HCLS1: variants seen among roughly 807,000 people sequenced by gnomAD.
HCLS1 encodes hematopoietic cell-specific Lyn substrate 1.
HCLS1 carries 44 observed loss-of-function variants against 68.6 expected under a neutral mutation model. That is an observed-to-expected ratio of 0.64 (90% CI 0.50 to 0.82). The LOEUF (loss-of-function observed/expected upper bound fraction) is 0.82, where lower values mean the gene tolerates loss of function less well. HCLS1 is among the 40% of genes least tolerant of loss of function. HCLS1 has a pLI of 0.00. For synonymous variants in HCLS1, 217 were observed against 225.8 expected, an observed-to-expected ratio of 0.96 and a Z score of 0.35; for missense variants, 602 against 612.1, an observed-to-expected ratio of 0.98 and a Z score of 0.17.
chr3:121,636,407 T>G, intron 8 of HCLS1, 27 bp downstream of exon 8: 1 of 1,583,712 alleles, frequency 6.3e-7, no homozygotes, highest in African/African-American at 1.3e-5. Context: ...GAACTCTTCT[T>G]AAGACATTGG....
intron 5 of HCLS1, chr3:121,643,217 T>C (rs919774719): frequency 2.9e-5 from 11 of 385,864 alleles, no homozygotes; most frequent in Non-Finnish European, 4.8e-5. Flanking sequence ...TTATAGTTGT[T>C]GAAGTTTAAG....
At chr3:121,646,394 AT>A (rs374314261) in intron 4 of HCLS1, among the ~76,000 whole-genome samples, 1 of 50,356 alleles carries the variant, frequency 2.0e-5, no homozygotes, top group Admixed American at 4.3e-4. Context: ...ATATATTACT[AT>A]GTAATATATT....
rs539936393 is a variant in HCLS1 at position 121,647,576 on chromosome 3, A to G, written c.159-128T>C. On this transcript the variant is annotated intron_variant, in intron 3 of 13. Coordinates refer to ENST00000314583, the MANE Select transcript of HCLS1 (RefSeq NM_005335.6). ...GTAATAACCTGGGCCCCCAAAATATACTAGTGATGGGTCTGGAAGTAAAAG... is the reference window on the plus strand; with the variant it reads ...GTAATAACCTGGGCCCCCAAAATATGCTAGTGATGGGTCTGGAAGTAAAAG... 1.3e-4 allele frequency: 110 copies of G among 843,296 alleles called. 1 individual carries two copies. The South Asian group carries it at 1.4e-3, about 10-fold the overall frequency. The allele number at this position is 843,296 out of a possible 1,614,324, so 52.2% of individuals were successfully genotyped here.
chr3:121,660,372 A>G lies in HCLS1; in HGVS notation c.-1+448T>C, dbSNP rs530677368. 2.0e-5 allele frequency among the ~76,000 whole-genome samples: 3 copies of G among 152,316 alleles called. No homozygotes were observed. The South Asian group carries it at 6.2e-4, about 32-fold the overall frequency. On this transcript the variant is annotated intron_variant, in intron 1 of 13. Transcript: ENST00000314583. Reference sequence around the variant, plus strand: ...ACAATCATGCCTTCTCTTGGGCTCCATCAGCACTTGGTACTCAGTGCTAGT... The same window carrying G: ...ACAATCATGCCTTCTCTTGGGCTCCGTCAGCACTTGGTACTCAGTGCTAGT...
chr3:121,647,378 G>A lies in HCLS1; in HGVS notation c.229C>T (p.Pro77Ser), dbSNP rs760425153. ...VLRKKEMESGPKASHGYGGRF... is the reference protein window; with the variant it reads ...VLRKKEMESGSKASHGYGGRF... The stretch of plus-strand genomic sequence containing the variant: ...CCTCCATAGCCATGGGATGCTTTGG[G>A]CCCTGACTCCATCTCTTTCTTCCTG... The change falls in exon 4 of 14, where the codon CCC becomes TCC. Residue 77 changes from proline (P) to serine (S), a missense_variant. Coordinates refer to ENST00000314583, the MANE Select transcript of HCLS1 (RefSeq NM_005335.6). 2 of 1,613,744 alleles carry A rather than the reference G, an allele frequency of 1.2e-6. No homozygotes were observed. The highest frequency in any genetic ancestry group is 1.3e-5 in the African/African-American group (1 of 74,976).
At chr3:121,634,112 G>T (rs1378011086) in intron 10 of HCLS1, 95 bp downstream of exon 10, 73 of 1,580,600 alleles carry the variant, frequency 4.6e-5, no homozygotes, top group Non-Finnish European at 6.3e-5. Flanking sequence ...CCCAGGGGAG[G>T]ACTTTGCCTT....
At chr3:121,637,023 C>A (rs2049156267) in intron 7 of HCLS1, 123 bp downstream of exon 7, 4 of 693,324 alleles carry the variant, frequency 5.8e-6, no homozygotes, top group South Asian at 5.0e-5. Context: ...GCTTACTGCC[C>A]TGGCACCCCC....
At chr3:121,639,380 T>C (rs2049177514) in intron 6 of HCLS1, among the ~76,000 whole-genome samples, 1 of 152,142 alleles carries the variant, frequency 6.6e-6, no homozygotes, top group Non-Finnish European at 1.5e-5. Context: ...CTGATCACAA[T>C]AGAATTAAAG....
At chr3:121,635,884 G>T in intron 8 of HCLS1, 80 bp from the exon 9 acceptor site, 1 of 1,083,022 alleles carries the variant, frequency 9.2e-7, no homozygotes. Flanking sequence ...TGGGGGTTGG[G>T]GGCCACTATA....
At chr3:121,643,602 G>C (rs1187241027) in intron 5 of HCLS1, 1 of 152,366 alleles carries the variant, frequency 6.6e-6, no homozygotes, top group African/African-American at 2.4e-5. Context: ...AGGAGAGTCT[G>C]GATCCTAGCT....
At chr3:121,658,437 C>A in intron 1 of HCLS1, 90 bp from the exon 2 acceptor site, 6 of 936,986 alleles carry the variant, frequency 6.4e-6, no homozygotes, top group Admixed American at 2.3e-5. Context: ...TATAGCAGCC[C>A]AATATTTCCT....
chr3:121,643,038 C>T (rs1475141817), intron 5 of HCLS1, 57 bp from the exon 6 acceptor site: 1 of 1,394,346 alleles, frequency 7.2e-7, no homozygotes, highest in African/African-American at 1.4e-5. Flanking sequence ...TTTTCCTCTT[C>T]CTAACCTCCC....
intron 2 of HCLS1, 130 bp downstream of exon 2, chr3:121,658,134 G>A: frequency 1.4e-6 from 1 of 699,094 alleles, no homozygotes; most frequent in Non-Finnish European, 2.6e-6. Context: ...CTACCAATTA[G>A]TCCCAGTATG....
At chr3:121,645,259 G>C (rs900560184) in intron 4 of HCLS1, among the ~76,000 whole-genome samples, 9 of 152,194 alleles carry the variant, frequency 5.9e-5, no homozygotes, top group Non-Finnish European at 1.0e-4. Context: ...TTGTGCAGCA[G>C]AACAGAGTGT....
intron 6 of HCLS1, among the ~76,000 whole-genome samples, chr3:121,640,885 G>A (rs2049192091): frequency 6.6e-6 from 1 of 150,632 alleles, no homozygotes; most frequent in African/African-American, 2.4e-5. Flanking sequence ...AGAAGGGAAA[G>A]GAAGGGAAGG....
At chr3:121,637,805 G>A (rs1013053092) in intron 6 of HCLS1, among the ~76,000 whole-genome samples, 9 of 152,192 alleles carry the variant, frequency 5.9e-5, no homozygotes, top group African/African-American at 2.2e-4. Context: ...GCATGGTGAT[G>A]TGCGTCTGTA....
Position 121,632,512 on chromosome 3 carries a change from C to A in HCLS1, c.1060G>T (p.Val354Leu), listed in dbSNP as rs746346533. Residue 354 changes from valine (V) to leucine (L), a missense_variant, in exon 12 of 14, where the codon GTG becomes TTG. Coordinates refer to ENST00000314583, the MANE Select transcript of HCLS1 (RefSeq NM_005335.6). ...LPPRTLEGLQ[V>L]EEEPVYEAEP... is the part of the protein sequence containing the mutation. ...GCTTCGTACACTGGCTCTTCCTCCA[C>A]CTGGAGGCCTTCCAGAGTCCTAGGG... 3 of 1,612,100 alleles carry A rather than the reference C, an allele frequency of 1.9e-6. No homozygotes were observed. The African/African-American group carries it at 4.1e-5, about 22-fold the overall frequency.
At position 121,639,530 on chromosome 3, in the gene HCLS1, TTTG is replaced by T. The variant is rs373818113; in HGVS notation, c.455-2277_455-2275del. Among the ~76,000 whole-genome samples, 184 of 151,188 alleles carry T rather than the reference TTTG, an allele frequency of 1.2e-3. 1 individual carries two copies. Among genetic ancestry groups the T allele is most frequent in the African/African-American group, 2.3e-3 (95 of 41,106 alleles). On this transcript the variant is annotated intron_variant, in intron 6 of 13. Transcript: ENST00000314583. ...TATTTTTAACTGAATGATTTTATTT[TTTG>T]TTGTTGTTGTTGTTGTTGTTGTTGT... is the stretch of plus-strand genomic sequence containing the variant.
intron 3 of HCLS1, chr3:121,653,594 A>T (rs1486440890): frequency 6.6e-6 from 1 of 152,242 alleles, no homozygotes; most frequent in African/African-American, 2.4e-5. Context: ...GCTGGAAATC[A>T]AGATAGGATG....
Sources: allele counts gnomAD v4.1 joint callset (sites outside exome capture counted in the v4.1 genomes callset), GRCh38; gene constraint gnomAD v4.1.1; transcripts MANE v1.5; gene names NCBI Gene and HGNC (gene_info 2026-07-23, HGNC 2026-07-21).